Variants in KCNH8 observed in about 807,000 individuals in gnomAD.
KCNH8 encodes voltage-gated delayed rectifier potassium channel KCNH8.
In KCNH8, 70 loss-of-function variants were observed where a neutral mutation model predicts 103.6. That is an observed-to-expected ratio of 0.68 (90% confidence interval 0.56 to 0.82). The LOEUF (loss-of-function observed/expected upper bound fraction) is 0.82. Ranked by LOEUF, KCNH8 falls within the 40% of genes least tolerant of loss-of-function variation. KCNH8 has a pLI of 0.00. For synonymous variants in KCNH8, 498 were observed against 489.4 expected, an observed-to-expected ratio of 1.02 and a Z score of -0.23; for missense variants, 1,217 against 1,329.9, an observed-to-expected ratio of 0.92 and a Z score of 1.32.
chr3:19,524,616 A>G (rs1203926568), intron 15 of KCNH8, among the ~76,000 whole-genome samples: 1 of 151,910 alleles, frequency 6.6e-6, no homozygotes, highest in African/African-American at 2.4e-5. Flanking sequence ...TGTCATTCAG[A>G]AAGCTTCTCC....
intron 3 of KCNH8, among the ~76,000 whole-genome samples, chr3:19,304,628 C>A (rs545735342): frequency 6.6e-6 from 1 of 151,718 alleles, no homozygotes; most frequent in Non-Finnish European, 1.5e-5. Context: ...AGGAATCTTC[C>A]AGAAATTAGA....
intron 8 of KCNH8, among the ~76,000 whole-genome samples, chr3:19,445,609 G>A (rs540029547): frequency 6.6e-6 from 1 of 151,866 alleles, no homozygotes; most frequent in Non-Finnish European, 1.5e-5. Flanking sequence ...TTGTTTTTAG[G>A]TTTGTCTTAA....
At chr3:19,510,676 T>C (rs1205706568) in intron 12 of KCNH8, among the ~76,000 whole-genome samples, 1 of 152,216 alleles carries the variant, frequency 6.6e-6, no homozygotes, top group Admixed American at 6.5e-5. Flanking sequence ...ATCTTAAAAG[T>C]ACTTTCATTG....
intron 7 of KCNH8, among the ~76,000 whole-genome samples, chr3:19,432,309 A>G (rs967010015): frequency 6.6e-6 from 1 of 152,126 alleles, no homozygotes; most frequent in Non-Finnish European, 1.5e-5. Flanking sequence ...CTATCCTTTT[A>G]AGTTAAATGG....
intron 1 of KCNH8, among the ~76,000 whole-genome samples, chr3:19,181,980 A>C (rs2063457451): frequency 6.6e-6 from 1 of 152,226 alleles, no homozygotes; most frequent in Non-Finnish European, 1.5e-5. Flanking sequence ...TATAGAAAAG[A>C]AAATGACCAA....
At chr3:19,164,384 A>G (rs1291188929) in intron 1 of KCNH8, among the ~76,000 whole-genome samples, 2 of 152,234 alleles carry the variant, frequency 1.3e-5, no homozygotes, top group Non-Finnish European at 2.9e-5. Context: ...AACATTTAAT[A>G]AGCAAATTTG....
At chr3:19,256,176 A>G (rs2064343884) in intron 2 of KCNH8, among the ~76,000 whole-genome samples, 1 of 152,116 alleles carries the variant, frequency 6.6e-6, no homozygotes, top group Admixed American at 6.6e-5. Flanking sequence ...ATTGAGATCA[A>G]TGTCAAGAAG....
intron 3 of KCNH8, among the ~76,000 whole-genome samples, chr3:19,317,577 C>T (rs1012937503): frequency 2.6e-5 from 4 of 151,676 alleles, no homozygotes; most frequent in African/African-American, 4.8e-5. Flanking sequence ...CAGAGTATAA[C>T]TATAAGAATA....
At chr3:19,185,434 T>A (rs1340921735) in intron 1 of KCNH8, among the ~76,000 whole-genome samples, 2 of 151,960 alleles carry the variant, frequency 1.3e-5, no homozygotes, top group Admixed American at 1.3e-4. Flanking sequence ...ATGAAATGTT[T>A]ATCCAAGTCT....
chr3:19,417,910 A>C (rs2066887779), intron 7 of KCNH8, among the ~76,000 whole-genome samples: 1 of 152,220 alleles, frequency 6.6e-6, no homozygotes, highest in Non-Finnish European at 1.5e-5. Context: ...AGAACTGACA[A>C]ATAAAGCCTG....
chr3:19,354,285 C>G (rs530885078), intron 5 of KCNH8, among the ~76,000 whole-genome samples: 4 of 152,052 alleles, frequency 2.6e-5, no homozygotes, highest in Non-Finnish European at 5.9e-5. Flanking sequence ...GAATCAATAT[C>G]GTGAAAATGG....
At chr3:19,320,710 G>A (rs2065338562) in intron 3 of KCNH8, among the ~76,000 whole-genome samples, 1 of 151,830 alleles carries the variant, frequency 6.6e-6, no homozygotes, top group South Asian at 2.1e-4. Context: ...ATTTAGGGAG[G>A]ATTCCCTCTT....
intron 1 of KCNH8, among the ~76,000 whole-genome samples, chr3:19,193,445 A>C (rs1258132536): frequency 6.6e-6 from 1 of 151,654 alleles, no homozygotes; most frequent in Non-Finnish European, 1.5e-5. Flanking sequence ...ACATTTATGC[A>C]GTATTTTATA....
chr3:19,153,591 A>G (rs1433499202), intron 1 of KCNH8, among the ~76,000 whole-genome samples: 2 of 135,820 alleles, frequency 1.5e-5, no homozygotes, highest in Non-Finnish European at 3.3e-5. Context: ...TCACTCAATC[A>G]TTTTTCTTTT....
intron 1 of KCNH8, among the ~76,000 whole-genome samples, chr3:19,250,332 A>C (rs186736232): frequency 3.3e-5 from 5 of 152,320 alleles, no homozygotes; most frequent in African/African-American, 1.2e-4. Flanking sequence ...AACCCAATGT[A>C]ATATACTTAT....
At chr3:19,492,544 G>A (rs1338933082) in intron 11 of KCNH8, among the ~76,000 whole-genome samples, 1 of 152,066 alleles carries the variant, frequency 6.6e-6, no homozygotes, top group Non-Finnish European at 1.5e-5. Flanking sequence ...GTCTGTTTTT[G>A]TAACAGTACC....
chr3:19,406,525 C>G (rs1385205234), intron 7 of KCNH8, among the ~76,000 whole-genome samples: 1 of 152,166 alleles, frequency 6.6e-6, no homozygotes, highest in East Asian at 1.9e-4. Context: ...AGGGAGATTC[C>G]TAGTATTTTA....
At chr3:19,502,915 G>A (rs1374194054) in intron 11 of KCNH8, among the ~76,000 whole-genome samples, 10 of 151,198 alleles carry the variant, frequency 6.6e-5, no homozygotes, top group East Asian at 1.9e-4. Flanking sequence ...ACAAAAGCCA[G>A]AATTGACAAA....
intron 1 of KCNH8, among the ~76,000 whole-genome samples, chr3:19,228,155 T>G (rs2063953462): frequency 1.3e-5 from 2 of 152,216 alleles, no homozygotes; most frequent in South Asian, 2.1e-4. Flanking sequence ...ACCTCCTGTT[T>G]TTTTGAACAG....
Sources: allele counts gnomAD v4.1 joint callset (sites outside exome capture counted in the v4.1 genomes callset), GRCh38; gene constraint gnomAD v4.1.1; transcripts MANE v1.5; gene names NCBI Gene and HGNC (gene_info 2026-07-23, HGNC 2026-07-21).